Variants in KANSL1 observed in about 807,000 individuals in gnomAD.
KANSL1 encodes the protein KAT8 regulatory NSL complex subunit 1.
In KANSL1, 22 loss-of-function variants were observed where a neutral mutation model predicts 103.6. The ratio of observed to expected loss-of-function variants is 0.21; its 90% CI spans 0.15 to 0.30. KANSL1 has a LOEUF of 0.30. Among genes scored for constraint, KANSL1 ranks in the 10% least tolerant of loss-of-function variants. The pLI, the probability that KANSL1 is intolerant of heterozygous loss-of-function variation, is 1.00. For missense variants in KANSL1, 1,337 were observed against 1,399.8 expected, an observed-to-expected ratio of 0.96 and a Z score of 0.72; for synonymous variants, 600 against 527.6, an observed-to-expected ratio of 1.14 and a Z score of -1.88.
chr17:46,062,661 CT>C (rs889547987), intron 6 of KANSL1, among the ~76,000 whole-genome samples: 1 of 151,830 alleles, frequency 6.6e-6, no homozygotes, highest in African/African-American at 2.4e-5. Context: ...CCTGGCCAGC[CT>C]TTTTAAGGGC....
chr17:46,204,918 A>G (rs1267313584), intron 1 of KANSL1, among the ~76,000 whole-genome samples: 1 of 152,264 alleles, frequency 6.6e-6, no homozygotes, highest in Non-Finnish European at 1.5e-5. Context: ...CACTCAACAA[A>G]GTAGAAATTG....
rs1340499365 is a variant in KANSL1 at position 46,034,531 on chromosome 17, T to C, written c.2542-246A>G. The C allele has an allele frequency of 1.2e-5, 5 of 421,300 alleles. No homozygotes were observed. In the Admixed American group the frequency reaches 1.2e-4, roughly 10 times the overall value. 26.1% of individuals were successfully genotyped at this position (421,300 alleles called of 1,614,324 possible). Reference sequence around the variant, plus strand: ...TAAGTCCCACTGGTCACCCTCTTCCTTCAAGGGCTCATGCGTAAATTTCAT... The same window carrying C: ...TAAGTCCCACTGGTCACCCTCTTCCCTCAAGGGCTCATGCGTAAATTTCAT... On this transcript the variant is annotated intron_variant, in intron 10 of 14. Transcript: ENST00000432791.
At chr17:46,146,590 T>A (rs886467616) in intron 2 of KANSL1, among the ~76,000 whole-genome samples, 5 of 147,302 alleles carry the variant, frequency 3.4e-5, no homozygotes, top group African/African-American at 1.2e-4. Context: ...TCCCAGCACT[T>A]TGGGAGGCCG....
intron 1 of KANSL1, among the ~76,000 whole-genome samples, chr17:46,211,726 C>T (rs945009920): frequency 6.6e-6 from 1 of 152,174 alleles, no homozygotes; most frequent in Non-Finnish European, 1.5e-5. Flanking sequence ...AATCAGAAAA[C>T]GTATCAATAT....
intron 4 of KANSL1, among the ~76,000 whole-genome samples, chr17:46,077,475 G>A (rs538895345): frequency 1.3e-5 from 2 of 152,324 alleles, no homozygotes; most frequent in African/African-American, 4.8e-5. Context: ...TCACAGCTCA[G>A]GAATAAGGTC....
chr17:46,050,449 T>C (rs2077673064), intron 7 of KANSL1, 84 bp downstream of exon 7: 2 of 1,369,172 alleles, frequency 1.5e-6, no homozygotes, highest in African/African-American at 2.9e-5. Flanking sequence ...ATCTGAGTTG[T>C]AACTGCACCT....
intron 1 of KANSL1, among the ~76,000 whole-genome samples, chr17:46,180,827 G>A (rs1480248183): frequency 1.3e-5 from 2 of 152,096 alleles, no homozygotes; most frequent in Non-Finnish European, 2.9e-5. Context: ...TAGCGAGATC[G>A]AGTCTCTGAA....
intron 11 of KANSL1, among the ~76,000 whole-genome samples, chr17:46,033,859 T>C (rs1179085514): frequency 6.6e-6 from 1 of 152,236 alleles, no homozygotes; most frequent in African/African-American, 2.4e-5. Context: ...TGTGAAATCC[T>C]GCTTTGATGT....
intron 10 of KANSL1, chr17:46,035,951 T>G (rs2077133874): frequency 6.6e-6 from 1 of 150,924 alleles, no homozygotes; most frequent in South Asian, 2.1e-4. Context: ...GAGCCAGAGA[T>G]AGAGAGCAGG....
At chr17:46,213,505 T>C (rs2048235506) in intron 1 of KANSL1, among the ~76,000 whole-genome samples, 1 of 147,900 alleles carries the variant, frequency 6.8e-6, no homozygotes, top group Non-Finnish European at 1.5e-5. Context: ...AGACGGGGTT[T>C]CACCATGTTA....
chr17:46,161,273 A>T (rs898761181), intron 2 of KANSL1, among the ~76,000 whole-genome samples: 3 of 147,746 alleles, frequency 2.0e-5, no homozygotes, highest in Admixed American at 1.3e-4. Context: ...AAAAAAAAAA[A>T]AAAATACAAA....
intron 2 of KANSL1, among the ~76,000 whole-genome samples, chr17:46,107,573 C>T (rs1378676141): frequency 2.0e-5 from 3 of 152,206 alleles, no homozygotes; most frequent in African/African-American, 7.2e-5. Flanking sequence ...ATCACTAAAT[C>T]TTCTTTCCTA....
chr17:46,224,511 A>G (rs1260323182), upstream of KANSL1: 1 of 147,976 alleles, frequency 6.8e-6, no homozygotes, highest in Non-Finnish European at 1.5e-5. Context: ...ACTTCTTAAA[A>G]ATAAATGTCG....
At chr17:46,155,311 C>T (rs1010146708) in intron 2 of KANSL1, among the ~76,000 whole-genome samples, 1 of 152,078 alleles carries the variant, frequency 6.6e-6, no homozygotes, top group Admixed American at 6.5e-5. Context: ...GCGTGTGCGA[C>T]CATGCCCAGC....
chr17:46,053,576 C>T (rs945113648), intron 6 of KANSL1, among the ~76,000 whole-genome samples: 1 of 151,890 alleles, frequency 6.6e-6, no homozygotes, highest in South Asian at 2.1e-4. Context: ...GGACTACAGG[C>T]GCCCACCACC....
chr17:46,216,573 T>G (rs2469914), intron 1 of KANSL1, among the ~76,000 whole-genome samples: 15,277 of 134,156 alleles, frequency 0.11, no homozygotes, highest in Middle Eastern at 0.18. Context: ...CACTCCAGCC[T>G]GGGCAAAAGA....
In KANSL1 at chr17:46,144,713, G is replaced by C. The variant is rs542958194; in HGVS notation, c.1289+26142C>G. On this transcript the variant is annotated intron_variant, in intron 2 of 14. Coordinates refer to ENST00000432791, the MANE Select transcript of KANSL1 (RefSeq NM_015443.4). ...AATCTGAAAAATGTAATGGGATTAA[G>C]ATCCTTTAGAATAGGCTAGTAGTGA... 2.0e-5 allele frequency among the ~76,000 whole-genome samples: 3 copies of C among 151,504 alleles called. No homozygotes were observed. In the East Asian group the frequency reaches 5.8e-4, roughly 29 times the overall value.
At chr17:46,042,904 A>G (rs1342088773) in intron 7 of KANSL1, 1 of 147,952 alleles carries the variant, frequency 6.8e-6, no homozygotes, top group African/African-American at 2.4e-5. Flanking sequence ...GAAAACTATT[A>G]AAGTTTTAAT....
intron 2 of KANSL1, among the ~76,000 whole-genome samples, chr17:46,154,333 G>C (rs529673688): frequency 1.3e-5 from 2 of 152,362 alleles, no homozygotes; most frequent in African/African-American, 2.4e-5. Flanking sequence ...TGCACTTTAA[G>C]AATTTCTACT....
Sources: allele counts gnomAD v4.1 joint callset (sites outside exome capture counted in the v4.1 genomes callset), GRCh38; gene constraint gnomAD v4.1.1; transcripts MANE v1.5; gene names NCBI Gene and HGNC (gene_info 2026-07-23, HGNC 2026-07-21).